The following KCNQ1OT1 variants were observed in gnomAD, a reference collection of about 807,000 sequenced individuals.
KCNQ1OT1 encodes the protein KCNQ1 antisense RNA 2 (non-protein coding).
chr11:2,614,536 A>G, exon 1 of KCNQ1OT1: 3 of 398,438 alleles, frequency 7.5e-6, no homozygotes, highest in African/African-American at 2.1e-5. Context: ...GGTCTCTGAT[A>G]CATTTTGAGA....
Position 2,612,206 on chromosome 11 carries a change from T to C in KCNQ1OT1, n.87789A>G, listed in dbSNP as rs566110198. The C allele has an allele frequency of 3.4e-4, 137 of 398,548 alleles. No individual in the cohort carries two copies. Among genetic ancestry groups the C allele is most frequent in the Middle Eastern group, 1.9e-3 (3 of 1,610 alleles). 24.7% of individuals were successfully genotyped at this position (398,548 alleles called of 1,614,324 possible). A position where few individuals can be genotyped will look rare whatever the true frequency, so the allele number is the denominator to read the frequency against. On this transcript the variant is annotated non_coding_transcript_exon_variant, in exon 1 of 1. Transcript: ENST00000597346. This position sits in a 1 kb window ranked among gnomAD's most constrained non-coding sequence, Gnocchi z 5.5. ...GGCAAGCAAGCATTACTGCCTGAGC[T>C]CTGCCTCCTGTCTGATCAGTGATGG...
At chr11:2,665,918 C>T (rs1032063986) in exon 1 of KCNQ1OT1, 2 of 398,568 alleles carry the variant, frequency 5.0e-6, no homozygotes, top group South Asian at 1.3e-4. Flanking sequence ...TCCAAGCAAC[C>T]CTGGGAGGCT....
chr11:2,687,985 G>A lies in KCNQ1OT1; in HGVS notation n.12010C>T, dbSNP rs1405763019. 2.5e-6 allele frequency: 1 copy of A among 398,602 alleles called. No individual in the cohort carries two copies. Among genetic ancestry groups the A allele is most frequent in the African/African-American group, 2.1e-5 (1 of 48,628 alleles). 24.7% of individuals were successfully genotyped at this position (398,602 alleles called of 1,614,324 possible). A position where few individuals can be genotyped will look rare whatever the true frequency, so the allele number is the denominator to read the frequency against. ...CCGCTGCTTCCTGCTTCCCTTTGATGTCTCCTCGTGCGAGGGAGGGGTCAG... is the reference window on the plus strand; with the variant it reads ...CCGCTGCTTCCTGCTTCCCTTTGATATCTCCTCGTGCGAGGGAGGGGTCAG... On this transcript the variant is annotated non_coding_transcript_exon_variant, in exon 1 of 1. Transcript: ENST00000597346. This position sits in a 1 kb window ranked among gnomAD's most constrained non-coding sequence, Gnocchi z 5.0.
At position 2,664,101 on chromosome 11, in the gene KCNQ1OT1, T is replaced by C. The variant is rs946735554; in HGVS notation, n.35894A>G. On this transcript the variant is annotated non_coding_transcript_exon_variant, in exon 1 of 1. Transcript: ENST00000597346. The surrounding 1 kb of genome is among the most constrained non-coding windows in gnomAD (Gnocchi z 5.1). ...CCAGGCAGGTCAGAGACTCCAGTCA[T>C]TACCCAACCAGGTCCCTGCCCTGTA... is the stretch of plus-strand genomic sequence containing the variant. 1 of 398,708 alleles carries C rather than the reference T, an allele frequency of 2.5e-6. No individual in the cohort carries two copies. Among genetic ancestry groups the C allele is most frequent in the Non-Finnish European group, 4.4e-6 (1 of 226,146 alleles). 24.7% of individuals were successfully genotyped at this position (398,708 alleles called of 1,614,324 possible). A position where few individuals can be genotyped will look rare whatever the true frequency, so the allele number is the denominator to read the frequency against.
chr11:2,611,479 T>C lies in KCNQ1OT1; in HGVS notation n.88516A>G. 1 of 398,194 alleles carries C rather than the reference T, an allele frequency of 2.5e-6. No individual in the cohort carries two copies. Among genetic ancestry groups the C allele is most frequent in the Non-Finnish European group, 4.4e-6 (1 of 226,092 alleles). 24.7% of individuals were successfully genotyped at this position (398,194 alleles called of 1,614,324 possible). A position where few individuals can be genotyped will look rare whatever the true frequency, so the allele number is the denominator to read the frequency against. ...TGTCTGCCTCAGCCTCCCAAAATGC[T>C]GGGATTACAGGTGTGAGCCACTGCA... On this transcript the variant is annotated non_coding_transcript_exon_variant, in exon 1 of 1. Coordinates refer to ENST00000597346, the Ensembl canonical transcript of KCNQ1OT1. This position sits in a 1 kb window ranked among gnomAD's most constrained non-coding sequence, Gnocchi z 5.3.
chr11:2,674,257 C>G lies in KCNQ1OT1; in HGVS notation n.25738G>C, dbSNP rs1474973246. ...TGAGCAGAGCTGGAGGCCCCTCTCTCCCAGCCCCCGGCACACACACTAGGA... is the reference window on the plus strand; with the variant it reads ...TGAGCAGAGCTGGAGGCCCCTCTCTGCCAGCCCCCGGCACACACACTAGGA... On this transcript the variant is annotated non_coding_transcript_exon_variant, in exon 1 of 1. Coordinates refer to ENST00000597346, the Ensembl canonical transcript of KCNQ1OT1. The surrounding 1 kb of genome is among the most constrained non-coding windows in gnomAD (Gnocchi z 5.9). 1 of 398,720 alleles carries G rather than the reference C, an allele frequency of 2.5e-6. No homozygotes were observed. Among genetic ancestry groups the G allele is most frequent in the African/African-American group, 2.1e-5 (1 of 48,746 alleles). The allele number at this position is 398,720 out of a possible 1,614,324, so 24.7% of individuals were successfully genotyped here. A position where few individuals can be genotyped will look rare whatever the true frequency, so the allele number is the denominator to read the frequency against.
In KCNQ1OT1 at chr11:2,675,060, G is replaced by A. The variant is rs560011621; in HGVS notation, n.24935C>T. 1.1e-4 allele frequency: 42 copies of A among 398,690 alleles called. 1 individual carries two copies. The highest frequency in any genetic ancestry group is 7.2e-4 in the African/African-American group (35 of 48,778). The allele number at this position is 398,690 out of a possible 1,614,324, so 24.7% of individuals were successfully genotyped here. A position where few individuals can be genotyped will look rare whatever the true frequency, so the allele number is the denominator to read the frequency against. ...GTGGGGGACGGGGATGCCAAGGGCA[G>A]AGCCCCTGGAGAGGCTAGTGTGGGC... On this transcript the variant is annotated non_coding_transcript_exon_variant, in exon 1 of 1. Transcript: ENST00000597346.
At position 2,677,806 on chromosome 11, in the gene KCNQ1OT1, T is replaced by C. The variant is rs1305103165; in HGVS notation, n.22189A>G. On this transcript the variant is annotated non_coding_transcript_exon_variant, in exon 1 of 1. Transcript: ENST00000597346. The surrounding 1 kb of genome is among the most constrained non-coding windows in gnomAD (Gnocchi z 4.5). ...CCCATTTCCAGCAGGATTAAAATGT[T>C]CATTTATGTTGTGATAGATACTGCC... is the stretch of plus-strand genomic sequence containing the variant. 7.5e-6 allele frequency: 3 copies of C among 398,438 alleles called. No homozygotes were observed. The highest frequency in any genetic ancestry group is 1.3e-5 in the Non-Finnish European group (3 of 226,056). The allele number at this position is 398,438 out of a possible 1,614,324, so 24.7% of individuals were successfully genotyped here.
exon 1 of KCNQ1OT1, chr11:2,662,657 G>A (rs749649055): frequency 8.6e-5 from 35 of 406,570 alleles, no homozygotes; most frequent in Admixed American, 3.7e-4. Context: ...ATTCCCCTGC[G>A]ACATGTGACT....
chr11:2,686,948 C>T, exon 1 of KCNQ1OT1: 1 of 398,628 alleles, frequency 2.5e-6, no homozygotes, highest in Non-Finnish European at 4.4e-6. Flanking sequence ...GGAGCATGCC[C>T]AGCTTACCAT....
At position 2,642,995 on chromosome 11, in the gene KCNQ1OT1, T is replaced by C. The variant is rs1349448228; in HGVS notation, n.57000A>G. ...ATGCTCCTCTTATTTATTTATAGTT[T>C]TATGCTATTGTGGTCTGAGAAGATA... is the stretch of plus-strand genomic sequence containing the variant. On this transcript the variant is annotated non_coding_transcript_exon_variant, in exon 1 of 1. Transcript: ENST00000597346. The surrounding 1 kb of genome is among the most constrained non-coding windows in gnomAD (Gnocchi z 4.3). 1 of 397,878 alleles carries C rather than the reference T, an allele frequency of 2.5e-6. No homozygotes were observed. Among genetic ancestry groups the C allele is most frequent in the Non-Finnish European group, 4.4e-6 (1 of 225,710 alleles). 24.6% of individuals were successfully genotyped at this position (397,878 alleles called of 1,614,324 possible). A position where few individuals can be genotyped will look rare whatever the true frequency, so the allele number is the denominator to read the frequency against.
exon 1 of KCNQ1OT1, chr11:2,636,950 T>C (rs956375022): frequency 3.3e-5 from 5 of 152,246 alleles, no homozygotes; most frequent in African/African-American, 7.2e-5. Context: ...CCATTTCTTC[T>C]AGATTTTCTA....
Position 2,668,923 on chromosome 11 carries a change from T to C in KCNQ1OT1, n.31072A>G. The C allele has an allele frequency of 2.5e-6, 1 of 398,632 alleles. No individual in the cohort carries two copies. The highest frequency in any genetic ancestry group is 1.3e-4 in the South Asian group (1 of 7,862). The allele number at this position is 398,632 out of a possible 1,614,324, so 24.7% of individuals were successfully genotyped here. ...TGGTTTATTCTAAAGCTTTATTAGC[T>C]CACCTTTCCCATGTAGATCTGCACT... On this transcript the variant is annotated non_coding_transcript_exon_variant, in exon 1 of 1. Coordinates refer to ENST00000597346, the Ensembl canonical transcript of KCNQ1OT1. This position sits in a 1 kb window ranked among gnomAD's most constrained non-coding sequence, Gnocchi z 4.3.
At chr11:2,672,780 C>A (rs1850210032) in exon 1 of KCNQ1OT1, 1 of 398,788 alleles carries the variant, frequency 2.5e-6, no homozygotes, top group Non-Finnish European at 4.4e-6. Context: ...CTCCCCGCAA[C>A]AGATCCAACC....
rs549738828 is a variant in KCNQ1OT1, at chr11:2,634,892, T to C, written n.65103A>G. Reference sequence around the variant, plus strand: ...CCATTCTAACTGGTGTGAGATGGTATCTCATTGTGGTTTTTTGATTTGCCT... The same window carrying C: ...CCATTCTAACTGGTGTGAGATGGTACCTCATTGTGGTTTTTTGATTTGCCT... On this transcript the variant is annotated non_coding_transcript_exon_variant, in exon 1 of 1. Coordinates refer to ENST00000597346, the Ensembl canonical transcript of KCNQ1OT1. 3.9e-5 allele frequency: 6 copies of C among 152,360 alleles called. No homozygotes were observed. The East Asian group carries it at 7.7e-4, about 20-fold the overall frequency. The allele number at this position is 152,360 out of a possible 1,614,324, so 9.4% of individuals were successfully genotyped here. A position where few individuals can be genotyped will look rare whatever the true frequency, so the allele number is the denominator to read the frequency against.
At position 2,647,043 on chromosome 11, in the gene KCNQ1OT1, T is replaced by C. The variant is rs1849677188; in HGVS notation, n.52952A>G. Reference sequence around the variant, plus strand: ...CTCTGCTGAATAAGAATAGTGAAAGTGGGCATCCTTGTCTTGTTCTAGTTC... The same window carrying C: ...CTCTGCTGAATAAGAATAGTGAAAGCGGGCATCCTTGTCTTGTTCTAGTTC... On this transcript the variant is annotated non_coding_transcript_exon_variant, in exon 1 of 1. Coordinates refer to ENST00000597346, the Ensembl canonical transcript of KCNQ1OT1. The surrounding 1 kb of genome is among the most constrained non-coding windows in gnomAD (Gnocchi z 4.0). 2.5e-6 allele frequency: 1 copy of C among 398,618 alleles called. No homozygotes were observed. Among genetic ancestry groups the C allele is most frequent in the Non-Finnish European group, 4.4e-6 (1 of 226,050 alleles). 24.7% of individuals were successfully genotyped at this position (398,618 alleles called of 1,614,324 possible). A position where few individuals can be genotyped will look rare whatever the true frequency, so the allele number is the denominator to read the frequency against.
rs1849079949 is a variant in KCNQ1OT1, at chr11:2,617,117, A to G, written n.82878T>C. The G allele has an allele frequency of 2.5e-6, 1 of 398,182 alleles. No homozygotes were observed. The highest frequency in any genetic ancestry group is 1.3e-4 in the South Asian group (1 of 7,864). The allele number at this position is 398,182 out of a possible 1,614,324, so 24.7% of individuals were successfully genotyped here. Reference sequence around the variant, plus strand: ...AAGCTATGATCTACTCAATTGGCAAAAATTCCAAATGCAATATACTAACTA... The same window carrying G: ...AAGCTATGATCTACTCAATTGGCAAGAATTCCAAATGCAATATACTAACTA... On this transcript the variant is annotated non_coding_transcript_exon_variant, in exon 1 of 1. Coordinates refer to ENST00000597346, the Ensembl canonical transcript of KCNQ1OT1. This position sits in a 1 kb window ranked among gnomAD's most constrained non-coding sequence, Gnocchi z 4.6.
chr11:2,691,534 G>A lies in KCNQ1OT1; in HGVS notation n.8461C>T, dbSNP rs1383713741. The A allele has an allele frequency of 5.0e-6, 2 of 398,424 alleles. No individual in the cohort carries two copies. The highest frequency in any genetic ancestry group is 8.8e-6 in the Non-Finnish European group (2 of 226,074). The allele number at this position is 398,424 out of a possible 1,614,324, so 24.7% of individuals were successfully genotyped here. ...TTGCTTGGCTTTGCATTAAAGTTGG[G>A]GGGATTTCTCTATCCTGAGGTTATG... On this transcript the variant is annotated non_coding_transcript_exon_variant, in exon 1 of 1. Coordinates refer to ENST00000597346, the Ensembl canonical transcript of KCNQ1OT1. The surrounding 1 kb of genome is among the most constrained non-coding windows in gnomAD (Gnocchi z 6.4).
In KCNQ1OT1 at chr11:2,626,829, G is replaced by A. The variant is rs1171644643; in HGVS notation, n.73166C>T. The A allele has an allele frequency of 7.5e-6, 3 of 398,474 alleles. No homozygotes were observed. Among genetic ancestry groups the A allele is most frequent in the Non-Finnish European group, 1.3e-5 (3 of 226,064 alleles). 24.7% of individuals were successfully genotyped at this position (398,474 alleles called of 1,614,324 possible). A position where few individuals can be genotyped will look rare whatever the true frequency, so the allele number is the denominator to read the frequency against. ...AGGTGTAGGCCATTGTACCTGGCCT[G>A]TAGTAAGTTTTCAAATCAGAAAGTG... On this transcript the variant is annotated non_coding_transcript_exon_variant, in exon 1 of 1. Transcript: ENST00000597346. This position sits in a 1 kb window ranked among gnomAD's most constrained non-coding sequence, Gnocchi z 4.0.
Sources: gnomAD v4.1 joint callset for allele counts on GRCh38, gnomAD v4.1.1 for gene constraint, Gnocchi (gnomAD v3.1) non-coding constraint, MANE v1.5 for transcripts, NCBI Gene and HGNC (gene_info 2026-07-23, HGNC 2026-07-21) for gene names.